TSPEAR: variants seen among roughly 807,000 people sequenced by gnomAD.
TSPEAR encodes the protein thrombospondin type laminin G domain and EAR repeats, also known as thrombospondin-type laminin G domain and EAR repeat-containing protein.
Under a neutral mutation model 71.6 loss-of-function variants are expected in TSPEAR, and 69 were observed. The observed-to-expected ratio is 0.96, with a 90% CI of 0.79 to 1.18. The LOEUF (loss-of-function observed/expected upper bound fraction) is 1.18. TSPEAR is among the 50% of genes most tolerant of loss of function. The probability of loss-of-function intolerance (pLI) is 0.00; values close to 1 mark genes in which losing one functional copy is unlikely to be tolerated. For missense variants in TSPEAR, 971 were observed against 894.9 expected (o/e 1.09, Z -1.09); for synonymous variants, 402 against 387.2 (o/e 1.04, Z -0.45).
intron 9 of TSPEAR, chr21:44,515,725 A>T (rs587749529): frequency 6.6e-6 from 1 of 152,216 alleles, no homozygotes; most frequent in African/African-American, 2.4e-5. Flanking sequence ...CCTCCACCAC[A>T]TCACCCGTGA....
intron 1 of TSPEAR, chr21:44,666,962 C>A: frequency 2.0e-6 from 3 of 1,504,166 alleles, no homozygotes; most frequent in Non-Finnish European, 2.7e-6. Flanking sequence ...AGCCTTTATA[C>A]CTGGGCCCAG....
chr21:44,601,451 T>G (rs782106365), intron 1 of TSPEAR: 2 of 1,610,804 alleles, frequency 1.2e-6, no homozygotes, highest in Non-Finnish European at 1.7e-6. Flanking sequence ...GTGTGCTGTG[T>G]GCCCGTCTGC....
chr21:44,588,462 G>A (rs1979486369), intron 1 of TSPEAR, among the ~76,000 whole-genome samples: 1 of 152,056 alleles, frequency 6.6e-6, no homozygotes, highest in Admixed American at 6.5e-5. Context: ...GTGGAATACA[G>A]TGTGGAGATT....
In TSPEAR at chr21:44,499,881, T is replaced by C. The variant is rs1555910919; in HGVS notation, c.1912A>G (p.Arg638Gly). 13 of 1,606,806 alleles carry C rather than the reference T, an allele frequency of 8.1e-6. No homozygotes were observed. The highest frequency in any genetic ancestry group is 1.1e-5 in the Non-Finnish European group (13 of 1,177,642). ...GTGGTGCTGAAGGCCTCCCAGTCCC[T>C]GCAGCCGACGGTGGGGAGGCTGTGC... ...AVHSLPTVGC[R>G]DWEAFSTTAG... Residue 638 changes from arginine (R) to glycine (G), a missense_variant, in exon 12 of 12, where the codon AGG (arginine) becomes GGG (glycine). By Grantham distance (125) the Arg-to-Gly change is moderately radical. Coordinates refer to ENST00000323084, the MANE Select transcript of TSPEAR (RefSeq NM_144991.3).
chr21:44,539,688 T>C (rs138812785), intron 2 of TSPEAR: 1 of 1,586,460 alleles, frequency 6.3e-7, no homozygotes. Context: ...TCAGAGCAGG[T>C]GGGCACATAG....
chr21:44,692,490 T>G (rs1273242433), intron 1 of TSPEAR, among the ~76,000 whole-genome samples: 5 of 152,146 alleles, frequency 3.3e-5, no homozygotes, highest in African/African-American at 9.6e-5. Flanking sequence ...CTACTAGAGC[T>G]TTATTAAAGA....
chr21:44,532,808 C>T (rs1334088206), intron 3 of TSPEAR, among the ~76,000 whole-genome samples: 1 of 152,200 alleles, frequency 6.6e-6, no homozygotes, highest in Admixed American at 6.5e-5. Context: ...ACGGCAAAAA[C>T]GAGAAACGAA....
At position 44,504,701 on chromosome 21, in the gene TSPEAR, C is replaced by G. The variant is rs1447488268; in HGVS notation, c.1856+79G>C. 14 of 694,682 alleles carry G rather than the reference C, an allele frequency of 2.0e-5. No individual in the cohort carries two copies. In the African/African-American group the frequency reaches 2.5e-4, roughly 12 times the overall value. 43.0% of individuals were successfully genotyped at this position (694,682 alleles called of 1,614,324 possible). ...GAGCCCACAGTGGGGAAGCAAGTCT[C>G]TTGGAGGAGGCCGGCCTCGGTGAGC... is the stretch of plus-strand genomic sequence containing the variant. On this transcript the variant is annotated intron_variant, in intron 11 of 11. Coordinates refer to ENST00000323084, the MANE Select transcript of TSPEAR (RefSeq NM_144991.3).
chr21:44,689,508 A>T (rs1281301180), intron 1 of TSPEAR, among the ~76,000 whole-genome samples: 6 of 150,894 alleles, frequency 4.0e-5, no homozygotes, highest in South Asian at 2.1e-4. Flanking sequence ...TCTCGAATAA[A>T]AAAAAAAAAA....
intron 2 of TSPEAR, among the ~76,000 whole-genome samples, chr21:44,565,360 T>C (rs587613796): frequency 6.6e-5 from 10 of 152,308 alleles, no homozygotes; most frequent in African/African-American, 1.7e-4. Context: ...TAACTCATTC[T>C]ATGAGGCTAG....
chr21:44,628,464 A>G (rs1158091588), intron 1 of TSPEAR, among the ~76,000 whole-genome samples: 1 of 151,552 alleles, frequency 6.6e-6, no homozygotes, highest in Non-Finnish European at 1.5e-5. Flanking sequence ...GGCCCCGTGG[A>G]TCTCTTTACT....
intron 2 of TSPEAR, among the ~76,000 whole-genome samples, chr21:44,544,850 G>A (rs1209445351): frequency 1.3e-5 from 2 of 152,122 alleles, no homozygotes; most frequent in African/African-American, 2.4e-5. Context: ...CCCACAGGAC[G>A]TTATGCACTG....
At chr21:44,508,844 C>T (rs782652398) in intron 10 of TSPEAR, 17 of 1,395,580 alleles carry the variant, frequency 1.2e-5, no homozygotes, top group South Asian at 3.5e-5. Flanking sequence ...GCCTGCACCT[C>T]GCACCTGTCC....
At chr21:44,675,757 T>C in intron 1 of TSPEAR, 2 of 512,496 alleles carry the variant, frequency 3.9e-6, no homozygotes, top group Non-Finnish European at 3.5e-6. Context: ...GAACAGTACT[T>C]GTAAGCCTGC....
At chr21:44,579,007 T>C (rs1158932423) in intron 1 of TSPEAR, among the ~76,000 whole-genome samples, 2 of 152,166 alleles carry the variant, frequency 1.3e-5, no homozygotes, top group African/African-American at 2.4e-5. Context: ...GAGTCCCTTG[T>C]CTCCTGCGCA....
chr21:44,594,792 C>T (rs1286367041), intron 1 of TSPEAR, among the ~76,000 whole-genome samples: 1 of 150,954 alleles, frequency 6.6e-6, no homozygotes, highest in Non-Finnish European at 1.5e-5. Context: ...AACAAAGTCT[C>T]CTCTTTTTTT....
rs1332787795 is a variant in TSPEAR at position 44,627,386 on chromosome 21, C to G, written c.83-59381G>C. 5.0e-6 allele frequency: 8 copies of G among 1,613,826 alleles called. No homozygotes were observed. In the African/African-American group the frequency reaches 5.3e-5, roughly 11 times the overall value. Reference sequence around the variant, plus strand: ...CCCAGCCCCTGCCAATCAGGCTGCACCAGCTCCTGCACGCCCTCGTGCTGC... The same window carrying G: ...CCCAGCCCCTGCCAATCAGGCTGCAGCAGCTCCTGCACGCCCTCGTGCTGC... On this transcript the variant is annotated intron_variant, in intron 1 of 11. Transcript: ENST00000323084.
intron 10 of TSPEAR, chr21:44,508,926 G>A (rs782615532): frequency 3.3e-6 from 5 of 1,519,160 alleles, no homozygotes; most frequent in Non-Finnish European, 4.5e-6. Context: ...TCGGATGAAA[G>A]GAGGTAATGG....
At chr21:44,681,834 C>T (rs782058906) in intron 1 of TSPEAR, 2 of 1,607,752 alleles carry the variant, frequency 1.2e-6, no homozygotes. Flanking sequence ...GATTCATGCT[C>T]AGCAGCAGGA....
Sources: allele counts gnomAD v4.1 joint callset (sites outside exome capture counted in the v4.1 genomes callset), GRCh38; gene constraint gnomAD v4.1.1; transcripts MANE v1.5; gene names NCBI Gene and HGNC (gene_info 2026-07-23, HGNC 2026-07-21).